KCNK2: variants seen among roughly 807,000 people sequenced by gnomAD.
KCNK2 encodes potassium channel subfamily K member 2.
Under a neutral mutation model 40.5 loss-of-function variants are expected in KCNK2, and 21 were observed. The ratio of observed to expected loss-of-function variants is 0.52; its 90% CI spans 0.37 to 0.75. The LOEUF is 0.75. Ranked by LOEUF, KCNK2 falls within the 30% of genes least tolerant of loss-of-function variation. KCNK2 has a pLI of 0.00. For synonymous variants in KCNK2, 191 were observed against 202.2 expected (o/e 0.94, Z 0.47); for missense variants, 399 against 531.6 (o/e 0.75, Z 2.45).
chr1:215,127,677 T>C (rs552997295), intron 3 of KCNK2, among the ~76,000 whole-genome samples: 2 of 152,338 alleles, frequency 1.3e-5, no homozygotes, highest in East Asian at 3.9e-4. Context: ...CATAGTCCCT[T>C]GCTGATTTTT....
At chr1:215,232,231 C>A (rs911870636) in intron 6 of KCNK2, among the ~76,000 whole-genome samples, 1 of 152,100 alleles carries the variant, frequency 6.6e-6, no homozygotes, top group Admixed American at 6.6e-5. Flanking sequence ...CATGCCATAG[C>A]CATTATCCTT....
chr1:215,210,119 ATATAAATATACAC>A (rs1571735618), intron 6 of KCNK2, among the ~76,000 whole-genome samples: 2 of 77,984 alleles, frequency 2.6e-5, no homozygotes, highest in East Asian at 7.9e-4. Flanking sequence ...TACATACTAT[ATATAAATATACAC>A]TATAAATATA....
intron 6 of KCNK2, among the ~76,000 whole-genome samples, chr1:215,230,571 T>TAC (rs2102712129): frequency 1.1e-5 from 1 of 92,552 alleles, no homozygotes; most frequent in Non-Finnish European, 2.1e-5. Context: ...TATATATATA[T>TAC]ATATACAAGA....
At chr1:215,214,759 G>T (rs1031475343) in intron 6 of KCNK2, among the ~76,000 whole-genome samples, 1 of 152,086 alleles carries the variant, frequency 6.6e-6, no homozygotes, top group Non-Finnish European at 1.5e-5. Flanking sequence ...CCGGGAGGTC[G>T]AGGTTGCAAG....
At chr1:215,152,449 G>A (rs1662725684) in intron 3 of KCNK2, among the ~76,000 whole-genome samples, 1 of 152,090 alleles carries the variant, frequency 6.6e-6, no homozygotes, top group Non-Finnish European at 1.5e-5. Context: ...GTTTTAATGA[G>A]AATGTTTCTC....
chr1:215,107,053 A>G (rs1370099274), intron 2 of KCNK2, among the ~76,000 whole-genome samples: 1 of 150,850 alleles, frequency 6.6e-6, no homozygotes, highest in African/African-American at 2.4e-5. Context: ...TAATTTTCTT[A>G]GGATTGCCTT....
intron 6 of KCNK2, among the ~76,000 whole-genome samples, chr1:215,230,016 A>ATT (rs869305798): frequency 1.0e-4 from 15 of 143,174 alleles, no homozygotes; most frequent in Admixed American, 9.0e-4. Flanking sequence ...ACACACACAG[A>ATT]TTATATATAT....
intron 2 of KCNK2, among the ~76,000 whole-genome samples, chr1:215,104,373 C>G (rs1660347198): frequency 6.6e-6 from 1 of 152,016 alleles, no homozygotes; most frequent in South Asian, 2.1e-4. Flanking sequence ...AGGATCAGAG[C>G]TAGCTATTCC....
intron 6 of KCNK2, among the ~76,000 whole-genome samples, chr1:215,203,445 A>G (rs1417915211): frequency 6.6e-6 from 1 of 152,158 alleles, no homozygotes; most frequent in Non-Finnish European, 1.5e-5. Flanking sequence ...CTGAATGCTT[A>G]CTGAATGCTT....
chr1:215,234,158 T>C (rs1666782133), intron 6 of KCNK2, among the ~76,000 whole-genome samples: 1 of 152,210 alleles, frequency 6.6e-6, no homozygotes, highest in Non-Finnish European at 1.5e-5. Context: ...TTTAACTGTT[T>C]CCCAAGTGGG....
intron 1 of KCNK2, among the ~76,000 whole-genome samples, chr1:215,006,818 A>G (rs1656142324): frequency 1.3e-5 from 2 of 151,542 alleles, no homozygotes; most frequent in Non-Finnish European, 2.9e-5. Flanking sequence ...AGTGTGATTG[A>G]ATTCTATTTA....
At chr1:215,154,846 C>G (rs1049398588) in intron 3 of KCNK2, among the ~76,000 whole-genome samples, 2 of 152,232 alleles carry the variant, frequency 1.3e-5, no homozygotes, top group Admixed American at 1.3e-4. Context: ...CGATCCTTCC[C>G]CATTTCTTTT....
intron 3 of KCNK2, among the ~76,000 whole-genome samples, chr1:215,138,713 T>C (rs1001539682): frequency 3.3e-5 from 5 of 152,058 alleles, no homozygotes; most frequent in Admixed American, 6.6e-5. Flanking sequence ...TTTATGATAA[T>C]AGAAAGGAGA....
Position 215,083,194 on chromosome 1 carries a change from T to TCCCCCCCCC in KCNK2, c.-191_-183dup, listed in dbSNP as rs201482650. Reference sequence around the variant, plus strand: ...CCCGCGATTTCGTTTCTTCTCACGCTCCCCCCCCCGCCCCCTCCCGCGTCC... The same window carrying TCCCCCCCCC: ...CCCGCGATTTCGTTTCTTCTCACGCTCCCCCCCCCCCCCCCCCCGCCCCCTCCCGCGTCC... On this transcript the variant is annotated 5_prime_UTR_variant, in exon 1 of 7. Coordinates refer to ENST00000444842, the MANE Select transcript of KCNK2 (RefSeq NM_001017425.3). The TCCCCCCCCC allele has an allele frequency of 4.8e-5, 24 of 502,532 alleles. 1 individual carries two copies. The highest frequency in any genetic ancestry group is 1.6e-4 in the South Asian group (8 of 49,368). The allele number at this position is 502,532 out of a possible 1,614,324, so 31.1% of individuals were successfully genotyped here. A position where few individuals can be genotyped will look rare whatever the true frequency, so the allele number is the denominator to read the frequency against.
chr1:215,221,560 A>C (rs1340857917), intron 6 of KCNK2, among the ~76,000 whole-genome samples: 1 of 152,134 alleles, frequency 6.6e-6, no homozygotes, highest in African/African-American at 2.4e-5. Flanking sequence ...GAAAGAGAAA[A>C]TATATTTACT....
At chr1:215,092,851 T>C (rs1015259435) in intron 2 of KCNK2, among the ~76,000 whole-genome samples, 1 of 152,146 alleles carries the variant, frequency 6.6e-6, no homozygotes, top group Non-Finnish European at 1.5e-5. Flanking sequence ...CCTCAGACCA[T>C]GGCTATAAAG....
chr1:215,045,971 G>A (rs905509709), intron 1 of KCNK2, among the ~76,000 whole-genome samples: 1 of 152,190 alleles, frequency 6.6e-6, no homozygotes, highest in African/African-American at 2.4e-5. Context: ...AATACCTCCA[G>A]AATGTAACAC....
In KCNK2 at chr1:215,231,741, C is replaced by T. The variant is rs551343479; in HGVS notation, c.964-3087C>T. 1.6e-4 allele frequency among the ~76,000 whole-genome samples: 24 copies of T among 152,192 alleles called. No individual in the cohort carries two copies. The South Asian group carries it at 4.1e-3, about 26-fold the overall frequency. ...TCTCATACTGCTAGTAAAGACATAC[C>T]TGAGACTCAGTAATTTATAAAGAAA... On this transcript the variant is annotated intron_variant, in intron 6 of 6. Transcript: ENST00000444842.
intron 5 of KCNK2, among the ~76,000 whole-genome samples, chr1:215,187,783 A>G (rs1363824782): frequency 6.6e-6 from 1 of 151,430 alleles, no homozygotes; most frequent in East Asian, 1.9e-4. Context: ...TCGAGGTTGC[A>G]GTGAACTATG....
Sources: gnomAD v4.1 joint callset for allele counts (sites outside exome capture counted in the v4.1 genomes callset) on GRCh38, gnomAD v4.1.1 for gene constraint, MANE v1.5 for transcripts, NCBI Gene and HGNC (gene_info 2026-07-23, HGNC 2026-07-21) for gene names.